LRCH3: variants seen among roughly 807,000 people sequenced by gnomAD.
The protein encoded by LRCH3 is DISP complex protein LRCH3.
In LRCH3, 68 loss-of-function variants were observed where a neutral mutation model predicts 104.5. The observed-to-expected ratio is 0.65, with a 90% CI of 0.54 to 0.80. LRCH3 has a LOEUF of 0.80. Among genes scored for constraint, LRCH3 ranks in the 30% least tolerant of loss-of-function variants. The pLI, the probability that LRCH3 is intolerant of heterozygous loss-of-function variation, is 0.00. For synonymous variants in LRCH3, 344 were observed against 361.3 expected (o/e 0.95, Z 0.54); for missense variants, 951 against 953.9 (o/e 1.00, Z 0.04).
chr3:197,864,755 C>T (rs1741284302), intron 15 of LRCH3, among the ~76,000 whole-genome samples: 1 of 141,778 alleles, frequency 7.1e-6, no homozygotes, highest in East Asian at 2.1e-4. Context: ...GGCACGGTAA[C>T]TCATGCCTAT....
intron 15 of LRCH3, among the ~76,000 whole-genome samples, chr3:197,863,658 T>G (rs76437467): frequency 0.11 from 16,861 of 152,238 alleles, 986 homozygotes; most frequent in African/African-American, 0.13. Context: ...TACATTTCCC[T>G]TTCTTTAGGT....
chr3:197,838,653 C>T lies in LRCH3; in HGVS notation c.1252-668C>T, dbSNP rs181373886. Among the ~76,000 whole-genome samples, 7 of 152,198 alleles carry T rather than the reference C, an allele frequency of 4.6e-5. No homozygotes were observed. In the East Asian group the frequency reaches 7.7e-4, roughly 17 times the overall value. On this transcript the variant is annotated intron_variant, in intron 9 of 20. Transcript: ENST00000425562. ...TGATTTATAATTTTATTTTTCAGTG[C>T]GTGGTCTGTATTTTAAACCAGTTTA...
chr3:197,835,651 G>C, intron 8 of LRCH3, 23 bp from the exon 9 acceptor site: 1 of 1,594,148 alleles, frequency 6.3e-7, no homozygotes, highest in South Asian at 1.1e-5. Flanking sequence ...GTGTGTGTGT[G>C]GGTGTGTGTG....
intron 1 of LRCH3, among the ~76,000 whole-genome samples, chr3:197,795,110 A>T (rs1731040641): frequency 6.6e-6 from 1 of 152,200 alleles, no homozygotes; most frequent in South Asian, 2.1e-4. Context: ...GACATCACAG[A>T]AGACTTCTTG....
intron 20 of LRCH3, 42 bp downstream of exon 20, chr3:197,875,817 G>A (rs963063685): frequency 7.0e-6 from 9 of 1,294,104 alleles, no homozygotes; most frequent in African/African-American, 1.5e-5. Context: ...AATAGACTTG[G>A]TTGTCCTAAA....
intron 1 of LRCH3, among the ~76,000 whole-genome samples, chr3:197,802,174 A>G (rs865855949): frequency 2.0e-5 from 3 of 152,280 alleles, no homozygotes; most frequent in Middle Eastern, 6.8e-3. Context: ...TCTAAAGTCA[A>G]CTGATTAGTA....
chr3:197,827,707 ATTTCT>A (rs1735389209), intron 5 of LRCH3, among the ~76,000 whole-genome samples: 1 of 151,914 alleles, frequency 6.6e-6, no homozygotes, highest in African/African-American at 2.4e-5. Flanking sequence ...ATTTTAGTTA[ATTTCT>A]TAATTTTTTC....
intron 1 of LRCH3, among the ~76,000 whole-genome samples, chr3:197,811,246 A>G (rs1733090914): frequency 6.6e-6 from 1 of 152,180 alleles, no homozygotes; most frequent in African/African-American, 2.4e-5. Context: ...TTACTTTTAT[A>G]TAATTCTTTA....
At position 197,888,219 on chromosome 3, in the gene LRCH3, G is replaced by A. The variant is rs1425063875; in HGVS notation, c.*4553G>A. 1 of 152,186 alleles carries A rather than the reference G, an allele frequency of 6.6e-6. No individual in the cohort carries two copies. The highest frequency in any genetic ancestry group is 1.9e-4 in the East Asian group (1 of 5,196). The allele number at this position is 152,186 out of a possible 1,614,324, so 9.4% of individuals were successfully genotyped here. ...CTATATACACAGTGCAGTTGAGATGGTTTACAGCAAATTTCGTTTTATTTC... is the reference window on the plus strand; with the variant it reads ...CTATATACACAGTGCAGTTGAGATGATTTACAGCAAATTTCGTTTTATTTC... On this transcript the variant is annotated 3_prime_UTR_variant, in exon 21 of 21. Transcript: ENST00000425562.
chr3:197,862,968 CAT>C (rs968240761), intron 15 of LRCH3, among the ~76,000 whole-genome samples: 1 of 151,784 alleles, frequency 6.6e-6, no homozygotes, highest in African/African-American at 2.4e-5. Flanking sequence ...ATTTTCTCAA[CAT>C]ATGGCCTTGG....
intron 1 of LRCH3, among the ~76,000 whole-genome samples, chr3:197,801,697 T>G (rs754124518): frequency 2.0e-5 from 3 of 152,228 alleles, no homozygotes; most frequent in Non-Finnish European, 4.4e-5. Flanking sequence ...ATTGGCAGCT[T>G]CTTGAAGGAG....
intron 5 of LRCH3, among the ~76,000 whole-genome samples, chr3:197,827,301 ATGGAAGCATCAGGTAAACCATAG>A (rs1735336453): frequency 4.3e-5 from 4 of 92,234 alleles, no homozygotes; most frequent in African/African-American, 1.7e-4. Context: ...GTAAACCATA[ATGGAAGCATCAGGTAAACCATAG>A]TGGAAGCATC....
chr3:197,820,823 G>GGA (rs999233967), intron 4 of LRCH3, among the ~76,000 whole-genome samples: 20 of 151,446 alleles, frequency 1.3e-4, no homozygotes, highest in Non-Finnish European at 2.2e-4. Context: ...AACGGGGTGG[G>GGA]GAGAGAGAGA....
chr3:197,819,901 G>C (rs542691410), intron 3 of LRCH3, among the ~76,000 whole-genome samples: 1 of 152,042 alleles, frequency 6.6e-6, no homozygotes, highest in African/African-American at 2.4e-5. Flanking sequence ...ATAGAGACAA[G>C]GCCTTACCAT....
At chr3:197,836,073 T>G (rs1736752679) in intron 9 of LRCH3, among the ~76,000 whole-genome samples, 1 of 152,138 alleles carries the variant, frequency 6.6e-6, no homozygotes, top group Admixed American at 6.5e-5. Flanking sequence ...ATAAAAGAAG[T>G]CTAGGTACTG....
At chr3:197,852,449 C>G (rs1425156223) in intron 12 of LRCH3, 112 bp from the exon 13 acceptor site, 1 of 1,019,236 alleles carries the variant, frequency 9.8e-7, no homozygotes. Context: ...ATGCTATAAA[C>G]AAGAGGTAAA....
In LRCH3 at chr3:197,791,271, G is replaced by A; in HGVS notation, c.-8G>A. On this transcript the variant is annotated 5_prime_UTR_variant, in exon 1 of 21. Coordinates refer to ENST00000425562, the MANE Select transcript of LRCH3 (RefSeq NM_001365715.1). Reference sequence around the variant, plus strand: ...GAGCTGGCGGGCCCGAGTGTTGTCGGCTGGGAAATGGCGGCCGCGGGCTTG... The same window carrying A: ...GAGCTGGCGGGCCCGAGTGTTGTCGACTGGGAAATGGCGGCCGCGGGCTTG... The A allele has an allele frequency of 6.2e-7, 1 of 1,608,402 alleles. No individual in the cohort carries two copies. Among genetic ancestry groups the A allele is most frequent in the Non-Finnish European group, 8.5e-7 (1 of 1,178,628 alleles).
At chr3:197,817,360 G>GTGTGTCTATATA in intron 3 of LRCH3, 58 bp downstream of exon 3, 1 of 77,940 alleles carries the variant, frequency 1.3e-5, no homozygotes, top group Admixed American at 4.6e-4. Context: ...GTGTGTGTGT[G>GTGTGTCTATATA]TATATATATA....
chr3:197,809,914 C>T (rs1429885285), intron 1 of LRCH3, among the ~76,000 whole-genome samples: 1 of 152,110 alleles, frequency 6.6e-6, no homozygotes, highest in East Asian at 1.9e-4. Context: ...TGAGATCTTC[C>T]TGGTCCTTAG....
Sources: allele counts gnomAD v4.1 joint callset (sites outside exome capture counted in the v4.1 genomes callset), GRCh38; gene constraint gnomAD v4.1.1; transcripts MANE v1.5; gene names NCBI Gene and HGNC (gene_info 2026-07-23, HGNC 2026-07-21).